Variants in CSGALNACT1 observed in about 807,000 individuals in gnomAD.
The protein encoded by CSGALNACT1 is beta4GalNAcT-1.
A neutral mutation model predicts 51.0 loss-of-function variants in CSGALNACT1; 52 were observed. The observed-to-expected ratio is 1.02, with a 90% CI of 0.82 to 1.29. The LOEUF is 1.29. CSGALNACT1 is among the 50% of genes most tolerant of loss of function. CSGALNACT1 has a pLI of 0.00. For missense variants in CSGALNACT1, 935 were observed against 679.2 expected (o/e 1.38, Z -4.19); for synonymous variants, 341 against 254.4 (o/e 1.34, Z -3.24).
intron 3 of CSGALNACT1, among the ~76,000 whole-genome samples, chr8:19,581,459 G>A (rs1274518475): frequency 1.3e-5 from 2 of 152,192 alleles, no homozygotes; most frequent in African/African-American, 2.4e-5. Context: ...CATATTAATT[G>A]TGAAACACAA....
intron 3 of CSGALNACT1, among the ~76,000 whole-genome samples, chr8:19,554,197 A>C (rs1048890041): frequency 6.6e-6 from 1 of 152,254 alleles, no homozygotes; most frequent in Non-Finnish European, 1.5e-5. Flanking sequence ...AAGAAAAAGT[A>C]CAAGTTATCT....
At chr8:19,437,744 A>C (rs940386911) in intron 6 of CSGALNACT1, among the ~76,000 whole-genome samples, 1 of 152,220 alleles carries the variant, frequency 6.6e-6, no homozygotes, top group Non-Finnish European at 1.5e-5. Context: ...ATTTTGCCAA[A>C]GTTTACATAG....
intron 5 of CSGALNACT1, among the ~76,000 whole-genome samples, chr8:19,451,440 G>A (rs774774552): frequency 6.6e-6 from 1 of 152,126 alleles, no homozygotes; most frequent in African/African-American, 2.4e-5. Flanking sequence ...TTGAGAGTAG[G>A]TGAGATGACT....
chr8:19,610,448 G>A (rs1225453182), intron 1 of CSGALNACT1, among the ~76,000 whole-genome samples: 2 of 151,974 alleles, frequency 1.3e-5, no homozygotes, highest in Non-Finnish European at 2.9e-5. Context: ...ACTCTGGCCT[G>A]CCACAACCCA....
In CSGALNACT1 at chr8:19,628,717, G is replaced by A. The variant is rs781192790; in HGVS notation, c.-543-26852C>T. 4.6e-4 allele frequency among the ~76,000 whole-genome samples: 70 copies of A among 151,910 alleles called. 1 individual carries two copies. The highest frequency in any genetic ancestry group is 1.4e-4 in the African/African-American group (6 of 41,412). On this transcript the variant is annotated intron_variant, in intron 1 of 9. Transcript: ENST00000332246. The stretch of plus-strand genomic sequence containing the variant: ...GGCTAGTCCTGAACTCCTGGCTCAA[G>A]CAATCTCTTCGCTTCAGTCTCCCAA...
intron 1 of CSGALNACT1, among the ~76,000 whole-genome samples, chr8:19,754,895 G>A (rs186629542): frequency 3.3e-5 from 5 of 152,210 alleles, no homozygotes; most frequent in Admixed American, 1.3e-4. Flanking sequence ...AAAATCAATA[G>A]GTAATAAAGT....
chr8:19,417,439 C>T (rs1020431522), intron 8 of CSGALNACT1, among the ~76,000 whole-genome samples: 8 of 152,154 alleles, frequency 5.3e-5, no homozygotes, highest in African/African-American at 1.7e-4. Context: ...ATGAAAGGCA[C>T]AGGATGGGGC....
At chr8:19,428,854 TG>T (rs2059209193) in intron 6 of CSGALNACT1, among the ~76,000 whole-genome samples, 3 of 151,428 alleles carry the variant, frequency 2.0e-5, no homozygotes, top group Admixed American at 2.0e-4. Flanking sequence ...TGTGTGTGTG[TG>T]TGTGTGTGTG....
chr8:19,653,435 C>A (rs947901843), intron 1 of CSGALNACT1, among the ~76,000 whole-genome samples: 1 of 152,128 alleles, frequency 6.6e-6, no homozygotes, highest in Admixed American at 6.6e-5. Flanking sequence ...CAGGGGCCTA[C>A]CCTGCACCCT....
At chr8:19,561,729 A>G (rs1422898730) in intron 3 of CSGALNACT1, among the ~76,000 whole-genome samples, 1 of 152,254 alleles carries the variant, frequency 6.6e-6, no homozygotes, top group East Asian at 1.9e-4. Context: ...AAACTAGCAC[A>G]AGAACAAGCA....
chr8:19,668,969 A>T (rs561804453), intron 1 of CSGALNACT1, among the ~76,000 whole-genome samples: 50 of 152,358 alleles, frequency 3.3e-4, no homozygotes, highest in African/African-American at 1.2e-3. Context: ...TCCAGTGATC[A>T]AAGTATTCAT....
intron 4 of CSGALNACT1, among the ~76,000 whole-genome samples, chr8:19,501,804 ATAAC>A (rs1326958426): frequency 6.6e-6 from 1 of 152,220 alleles, no homozygotes; most frequent in Non-Finnish European, 1.5e-5. Context: ...TCCTGAAGGA[ATAAC>A]TAAACAACAT....
exon 10 of CSGALNACT1, chr8:19,405,733 T>C (rs780815271): frequency 2.7e-5 from 43 of 1,610,368 alleles, no homozygotes; most frequent in Middle Eastern, 3.3e-4. Context: ...CTTTCAGTAA[T>C]TGCAAAAGGA....
At chr8:19,555,827 G>C (rs2089581343) in intron 3 of CSGALNACT1, among the ~76,000 whole-genome samples, 1 of 152,118 alleles carries the variant, frequency 6.6e-6, no homozygotes, top group African/African-American at 2.4e-5. Context: ...ATTCAGCCTG[G>C]TATGTGAGTG....
intron 4 of CSGALNACT1, among the ~76,000 whole-genome samples, chr8:19,498,536 C>G (rs1319606961): frequency 6.6e-6 from 1 of 152,138 alleles, no homozygotes; most frequent in Non-Finnish European, 1.5e-5. Flanking sequence ...ACGGAGAACA[C>G]ATGTCCTTCC....
chr8:19,448,194 T>C (rs6981898), intron 5 of CSGALNACT1, among the ~76,000 whole-genome samples: 70,415 of 152,016 alleles, frequency 0.46, 17,797 homozygotes, highest in East Asian at 0.86. Context: ...GGAAAAATTG[T>C]GTTTCTTGCA....
intron 3 of CSGALNACT1, among the ~76,000 whole-genome samples, chr8:19,514,276 G>A (rs1295206438): frequency 1.3e-5 from 2 of 151,580 alleles, no homozygotes; most frequent in African/African-American, 4.9e-5. Context: ...ACCCCCTCCA[G>A]CCCTGACACC....
At chr8:19,670,849 T>C (rs76835202) in intron 1 of CSGALNACT1, among the ~76,000 whole-genome samples, 2,272 of 152,234 alleles carry the variant, frequency 0.015, 65 homozygotes, top group African/African-American at 0.052. Context: ...CTTTGGTTAA[T>C]GTCCATTGTA....
chr8:19,405,668 C>T, exon 10 of CSGALNACT1: 1 of 1,340,166 alleles, frequency 7.5e-7, no homozygotes, highest in Non-Finnish European at 1.1e-6. Context: ...ATCTCTGACC[C>T]ATCAGTCCAA....
Sources: gnomAD v4.1 joint callset for allele counts (sites outside exome capture counted in the v4.1 genomes callset) on GRCh38, gnomAD v4.1.1 for gene constraint, MANE v1.5 for transcripts, NCBI Gene and HGNC (gene_info 2026-07-23, HGNC 2026-07-21) for gene names.